The following WDPCP variants were observed in gnomAD, a reference collection of about 807,000 sequenced individuals.
WDPCP encodes WD repeat-containing and planar cell polarity effector protein fritz homolog.
Under a neutral mutation model 93.1 loss-of-function variants are expected in WDPCP, and 71 were observed. The ratio of observed to expected loss-of-function variants is 0.76; its 90% CI spans 0.63 to 0.93. WDPCP has a LOEUF of 0.93. Ranked by LOEUF, WDPCP falls within the 40% of genes least tolerant of loss-of-function variation. The pLI, the probability that WDPCP is intolerant of heterozygous loss-of-function variation, is 0.00. For missense variants in WDPCP, 844 were observed against 887.4 expected (o/e 0.95, Z 0.62); for synonymous variants, 315 against 315.0 (o/e 1.00, Z 0.00).
chr2:63,668,049 A>G (rs1710303329), intron 2 of WDPCP, among the ~76,000 whole-genome samples: 1 of 152,184 alleles, frequency 6.6e-6, no homozygotes, highest in African/African-American at 2.4e-5. Flanking sequence ...ATTCAAGTCT[A>G]ATACTAAATT....
chr2:63,632,200 C>A (rs368307885), intron 3 of WDPCP, among the ~76,000 whole-genome samples: 1 of 152,136 alleles, frequency 6.6e-6, no homozygotes, highest in African/African-American at 2.4e-5. Context: ...CCCACAAAAA[C>A]CAATTTGTAA....
intron 10 of WDPCP, among the ~76,000 whole-genome samples, chr2:63,386,415 C>T (rs1692736712): frequency 6.6e-6 from 1 of 151,970 alleles, no homozygotes; most frequent in South Asian, 2.1e-4. Flanking sequence ...TGAAGACATA[C>T]TTCATCAGAC....
intron 1 of WDPCP, among the ~76,000 whole-genome samples, chr2:63,554,608 G>A (rs1452784339): frequency 6.6e-6 from 1 of 151,696 alleles, no homozygotes; most frequent in Non-Finnish European, 1.5e-5. Flanking sequence ...AGCCAAGATT[G>A]CGCCATTGCT....
intron 2 of WDPCP, among the ~76,000 whole-genome samples, chr2:63,765,736 C>G (rs927177469): frequency 7.2e-5 from 11 of 152,186 alleles, no homozygotes; most frequent in African/African-American, 2.7e-4. Flanking sequence ...GTGGTACTGA[C>G]AGGGTTGGCC....
At chr2:63,296,126 G>A (rs1684833852) in intron 13 of WDPCP, among the ~76,000 whole-genome samples, 1 of 151,626 alleles carries the variant, frequency 6.6e-6, no homozygotes, top group Non-Finnish European at 1.5e-5. Context: ...ATACAAGGAT[G>A]GTTCAACATT....
At chr2:63,573,703 A>T (rs893716496) in intron 1 of WDPCP, among the ~76,000 whole-genome samples, 2 of 152,212 alleles carry the variant, frequency 1.3e-5, no homozygotes, top group African/African-American at 2.4e-5. Context: ...ATGTTCAGGG[A>T]ACAAGAGAGA....
intron 2 of WDPCP, among the ~76,000 whole-genome samples, chr2:63,775,615 G>A (rs572585277): frequency 2.8e-4 from 43 of 152,234 alleles, no homozygotes; most frequent in African/African-American, 7.9e-4. Context: ...GTCCCACTTC[G>A]CTTTTATTTC....
At chr2:63,522,054 T>C (rs1487553933) in intron 1 of WDPCP, among the ~76,000 whole-genome samples, 18 of 152,228 alleles carry the variant, frequency 1.2e-4, no homozygotes, top group East Asian at 1.9e-4. Context: ...TTTTTAATAC[T>C]TTAAGTTTTG....
chr2:63,238,849 C>T (rs1232974213), intron 14 of WDPCP, among the ~76,000 whole-genome samples: 3 of 152,144 alleles, frequency 2.0e-5, no homozygotes, highest in African/African-American at 7.2e-5. Flanking sequence ...CAGTTATGCA[C>T]TATTAAATGA....
At position 63,418,212 on chromosome 2, in the gene WDPCP, ATCTTATAT is replaced by A. The variant is rs573893205; in HGVS notation, c.826-13563_826-13556del. On this transcript the variant is annotated intron_variant, in intron 9 of 17. Coordinates refer to ENST00000272321, the MANE Select transcript of WDPCP (RefSeq NM_015910.7). The stretch of plus-strand genomic sequence containing the variant: ...ACTTGTCCATACTAAGACATCTCTC[ATCTTATAT>A]TCATGCAGCTGGTTTTTCTCCCAAA... 1.8e-4 allele frequency among the ~76,000 whole-genome samples: 27 copies of A among 152,304 alleles called. No homozygotes were observed. The East Asian group carries it at 3.7e-3, about 21-fold the overall frequency.
At chr2:63,499,401 T>A (rs1701411480) in intron 1 of WDPCP, among the ~76,000 whole-genome samples, 1 of 152,336 alleles carries the variant, frequency 6.6e-6, no homozygotes, top group African/African-American at 2.4e-5. Flanking sequence ...GACTTTGTAT[T>A]TGCTAGGTAG....
intron 1 of WDPCP, among the ~76,000 whole-genome samples, chr2:63,563,936 C>T (rs971345794): frequency 7.9e-5 from 12 of 152,106 alleles, no homozygotes; most frequent in Admixed American, 3.9e-4. Flanking sequence ...AAGACAGTGG[C>T]GATGGTGGCA....
At chr2:63,604,869 C>A in intron 3 of WDPCP, 1 of 1,613,924 alleles carries the variant, frequency 6.2e-7, no homozygotes, top group South Asian at 1.1e-5. Context: ...GAGAATTTGT[C>A]ACGGTAAGAA....
intron 15 of WDPCP, among the ~76,000 whole-genome samples, chr2:63,169,891 C>T (rs1342665024): frequency 6.7e-6 from 1 of 149,738 alleles, no homozygotes; most frequent in Non-Finnish European, 1.5e-5. Context: ...TTATTTGTTT[C>T]AGTGGACTTT....
chr2:63,676,128 A>G (rs1710400939), intron 2 of WDPCP, among the ~76,000 whole-genome samples: 1 of 152,226 alleles, frequency 6.6e-6, no homozygotes, highest in African/African-American at 2.4e-5. Context: ...AAAATGGACA[A>G]AATATAAAAT....
chr2:63,613,539 A>G (rs1709638506), intron 3 of WDPCP, among the ~76,000 whole-genome samples: 1 of 152,206 alleles, frequency 6.6e-6, no homozygotes. Flanking sequence ...AGCAGGCTGT[A>G]GCAGTACAGG....
intron 12 of WDPCP, among the ~76,000 whole-genome samples, chr2:63,357,119 A>T (rs1022746565): frequency 3.9e-5 from 6 of 152,196 alleles, no homozygotes; most frequent in African/African-American, 1.4e-4. Flanking sequence ...ACAAAAATCA[A>T]CTCAAGATGG....
intron 1 of WDPCP, among the ~76,000 whole-genome samples, chr2:63,517,281 T>C (rs1291215125): frequency 1.3e-5 from 2 of 152,006 alleles, no homozygotes; most frequent in African/African-American, 4.8e-5. Context: ...ATATTTTAAA[T>C]ATATGAATTA....
At chr2:63,461,615 A>ATTTT in intron 6 of WDPCP, among the ~76,000 whole-genome samples, 1 of 152,198 alleles carries the variant, frequency 6.6e-6, no homozygotes, top group Non-Finnish European at 1.5e-5. Flanking sequence ...TGAGATTAAA[A>ATTTT]AAGAGTGCAG....
Sources: gnomAD v4.1 joint callset for allele counts (sites outside exome capture counted in the v4.1 genomes callset) on GRCh38, gnomAD v4.1.1 for gene constraint, MANE v1.5 for transcripts, NCBI Gene and HGNC (gene_info 2026-07-23, HGNC 2026-07-21) for gene names.